Variants in CNOT1 observed in about 807,000 individuals in gnomAD.
CNOT1 encodes the protein CCR4-NOT transcription complex subunit 1, also known as CCR4-associated factor 1.
A neutral mutation model predicts 273.8 loss-of-function variants in CNOT1; 15 were observed. The observed-to-expected ratio is 0.05, with a 90% CI of 0.04 to 0.08. CNOT1 has a LOEUF of 0.08. CNOT1 is among the 10% of genes least tolerant of loss of function. The probability of loss-of-function intolerance (pLI) is 1.00; values close to 1 mark genes in which losing one functional copy is unlikely to be tolerated. For synonymous variants in CNOT1, 1,022 were observed against 1,005.5 expected, an observed-to-expected ratio of 1.02 and a Z score of -0.31; for missense variants, 1,644 against 2,912.2, an observed-to-expected ratio of 0.56 and a Z score of 10.02.
At chr16:58,527,186 G>C (rs571192534) in intron 44 of CNOT1, among the ~76,000 whole-genome samples, 2 of 152,180 alleles carry the variant, frequency 1.3e-5, no homozygotes, top group South Asian at 4.1e-4. Context: ...TCGAAAATAT[G>C]GGGGGTGAAG....
At chr16:58,521,083 A>C in intron 48 of CNOT1, 47 bp from the exon 49 acceptor site, 1 of 1,613,758 alleles carries the variant, frequency 6.2e-7, no homozygotes. Context: ...GAGTAGGCCT[A>C]ACAATACCTT....
intron 8 of CNOT1, among the ~76,000 whole-genome samples, chr16:58,583,841 A>G (rs1485451807): frequency 2.0e-5 from 3 of 151,672 alleles, no homozygotes; most frequent in Admixed American, 1.3e-4. Flanking sequence ...GCCCAGCCTG[A>G]AAATTTTTTT....
chr16:58,601,793 T>C (rs2042476815), intron 1 of CNOT1, among the ~76,000 whole-genome samples: 2 of 139,774 alleles, frequency 1.4e-5, no homozygotes. Flanking sequence ...TCCCAGCACT[T>C]TGGGAGGCTG....
At position 58,580,674 on chromosome 16, in the gene CNOT1, C is replaced by A; in HGVS notation, c.1302G>T (p.Leu434=). 1 of 1,613,178 alleles carries A rather than the reference C, an allele frequency of 6.2e-7. No individual in the cohort carries two copies. Among genetic ancestry groups the A allele is most frequent in the South Asian group, 1.1e-5 (1 of 90,936 alleles). Residue 434 remains leucine, a synonymous_variant, in exon 12 of 49, where the codon CTG becomes CTT. Coordinates refer to ENST00000317147, the MANE Select transcript of CNOT1 (RefSeq NM_016284.5). ...YPCHTVATDI[L]KAPPEDDNRE... ...GATTGTCATCCTCTGGTGGTGCTTT[C>A]AGAATATCAGTGGCAACAGTATGAC...
rs1298219418 is a variant in CNOT1, at chr16:58,575,217, A to C, written c.1705-88T>G. Reference sequence around the variant, plus strand: ...ATTCTGTTTTTCGCTTTCCACAAACAAGTTCAAATAAAACACACTGCTAAT... The same window carrying C: ...ATTCTGTTTTTCGCTTTCCACAAACCAGTTCAAATAAAACACACTGCTAAT... On this transcript the variant is annotated intron_variant, in intron 14 of 48. Coordinates refer to ENST00000317147, the MANE Select transcript of CNOT1 (RefSeq NM_016284.5). 4 of 1,534,292 alleles carry C rather than the reference A, an allele frequency of 2.6e-6. No homozygotes were observed. The African/African-American group carries it at 5.5e-5, about 21-fold the overall frequency.
intron 17 of CNOT1, among the ~76,000 whole-genome samples, chr16:58,559,325 C>T (rs1342473477): frequency 6.6e-6 from 1 of 152,140 alleles, no homozygotes; most frequent in African/African-American, 2.4e-5. Context: ...CTAAACTAAA[C>T]ATTTAGTAGT....
In CNOT1 at chr16:58,547,115, C is replaced by T. The variant is rs941109326; in HGVS notation, c.3750+71G>A. On this transcript the variant is annotated intron_variant, in intron 27 of 48. Coordinates refer to ENST00000317147, the MANE Select transcript of CNOT1 (RefSeq NM_016284.5). This position sits in a 1 kb window ranked among gnomAD's most constrained non-coding sequence, Gnocchi z 4.0. ...ACCTCACAAGAACTAAGAATATAAT[C>T]TCTTGACCTCATGCTAAAACAAAGC... 1.2e-5 allele frequency: 18 copies of T among 1,555,102 alleles called. No individual in the cohort carries two copies. In the Admixed American group the frequency reaches 2.7e-4, roughly 23 times the overall value.
At chr16:58,597,436 C>T (rs971285211) in intron 2 of CNOT1, among the ~76,000 whole-genome samples, 5 of 151,320 alleles carry the variant, frequency 3.3e-5, no homozygotes, top group East Asian at 1.9e-4. Flanking sequence ...GATCGCGCCA[C>T]GGTATGCCAG....
intron 1 of CNOT1, among the ~76,000 whole-genome samples, chr16:58,612,880 A>C (rs2042948284): frequency 6.6e-6 from 1 of 152,200 alleles, no homozygotes; most frequent in Admixed American, 6.5e-5. Flanking sequence ...TAACTTATGC[A>C]AGTATAATAA....
chr16:58,570,490 T>G (rs894443813), intron 16 of CNOT1, among the ~76,000 whole-genome samples: 1 of 151,926 alleles, frequency 6.6e-6, no homozygotes, highest in African/African-American at 2.4e-5. Flanking sequence ...AATTAAAAAA[T>G]TTATCAGGTG....
chr16:58,560,510 G>A, intron 16 of CNOT1, 148 bp from the exon 17 acceptor site: 2 of 1,366,536 alleles, frequency 1.5e-6, no homozygotes, highest in African/African-American at 1.5e-5. Flanking sequence ...TCAATTCACT[G>A]CAACCTCTGC....
At chr16:58,570,012 A>G (rs2041212148) in intron 16 of CNOT1, among the ~76,000 whole-genome samples, 1 of 152,192 alleles carries the variant, frequency 6.6e-6, no homozygotes, top group African/African-American at 2.4e-5. Flanking sequence ...AACTCATCAC[A>G]TACAATACTC....
At chr16:58,573,477 ATTT>A (rs34706886) in intron 16 of CNOT1, among the ~76,000 whole-genome samples, 23 of 112,896 alleles carry the variant, frequency 2.0e-4, no homozygotes, top group African/African-American at 7.3e-4. Flanking sequence ...CTGTTTTGCA[ATTT>A]TTTTTTTTTT....
intron 16 of CNOT1, among the ~76,000 whole-genome samples, chr16:58,572,586 G>A (rs890482482): frequency 8.6e-5 from 13 of 151,958 alleles, no homozygotes; most frequent in African/African-American, 3.1e-4. Flanking sequence ...CTGTACTCCA[G>A]CCTGGGTGAC....
At chr16:58,588,950 C>CAA in intron 2 of CNOT1, 44 bp from the exon 3 acceptor site, 43 of 1,065,102 alleles carry the variant, frequency 4.0e-5, no homozygotes, top group Middle Eastern at 2.1e-4. Context: ...GAAGATAAAA[C>CAA]AAAAAAAAAA....
intron 44 of CNOT1, among the ~76,000 whole-genome samples, chr16:58,526,865 C>G (rs972693918): frequency 6.7e-6 from 1 of 149,752 alleles, no homozygotes; most frequent in Non-Finnish European, 1.5e-5. Context: ...AGAGTAGAGA[C>G]TACATCTAAA....
chr16:58,581,555 T>G, intron 10 of CNOT1, 40 bp from the exon 11 acceptor site: 1 of 1,534,074 alleles, frequency 6.5e-7, no homozygotes, highest in Non-Finnish European at 8.8e-7. Flanking sequence ...AATGAATGTG[T>G]GTATATTTTG....
intron 2 of CNOT1, among the ~76,000 whole-genome samples, chr16:58,595,950 C>A (rs2042235853): frequency 6.6e-6 from 1 of 152,138 alleles, no homozygotes; most frequent in South Asian, 2.1e-4. Context: ...AGGTTTTTCA[C>A]CAGGGAATCC....
At chr16:58,568,611 T>C (rs942354872) in intron 16 of CNOT1, among the ~76,000 whole-genome samples, 1 of 149,890 alleles carries the variant, frequency 6.7e-6, no homozygotes, top group Non-Finnish European at 1.5e-5. Context: ...ACCCCGGAGG[T>C]GGAGGTTGTA....
Sources: allele counts gnomAD v4.1 joint callset (sites outside exome capture counted in the v4.1 genomes callset), GRCh38; gene constraint gnomAD v4.1.1; non-coding constraint Gnocchi (gnomAD v3.1); transcripts MANE v1.5; gene names NCBI Gene and HGNC (gene_info 2026-07-23, HGNC 2026-07-21).